MMP26: variants seen among roughly 807,000 people sequenced by gnomAD.
MMP26 encodes the protein matrix metallopeptidase 26, also known as matrix metalloproteinase-26.
MMP26 carries 33 observed loss-of-function variants against 31.0 expected under a neutral mutation model. That is an observed-to-expected ratio of 1.06 (90% CI 0.81 to 1.42). The LOEUF (loss-of-function observed/expected upper bound fraction) is 1.42, where lower values mean the gene tolerates loss of function less well. MMP26 is among the 40% of genes most tolerant of loss of function. The pLI, the probability that MMP26 is intolerant of heterozygous loss-of-function variation, is 0.00. For synonymous variants in MMP26, 122 were observed against 114.9 expected (o/e 1.06, Z -0.40); for missense variants, 347 against 316.1 (o/e 1.10, Z -0.74).
chr11:4,771,710 C>T (rs1848724070), intron 2 of MMP26, among the ~76,000 whole-genome samples: 1 of 152,112 alleles, frequency 6.6e-6, no homozygotes, highest in South Asian at 2.1e-4. Flanking sequence ...AGCAAGGATA[C>T]AAGTTACTGT....
At chr11:4,782,303 A>T (rs1251332312) in intron 2 of MMP26, among the ~76,000 whole-genome samples, 1 of 152,180 alleles carries the variant, frequency 6.6e-6, no homozygotes, top group Admixed American at 6.5e-5. Context: ...GAGATGAGGA[A>T]CTTGTTGGGA....
chr11:4,816,732 C>T (rs1389456832), intron 2 of MMP26, among the ~76,000 whole-genome samples: 2 of 108,784 alleles, frequency 1.8e-5, no homozygotes, highest in Admixed American at 1.3e-4. Flanking sequence ...GAAATAGAGT[C>T]TCGCTCTATT....
At chr11:4,831,661 A>C (rs1849647728) in intron 2 of MMP26, among the ~76,000 whole-genome samples, 2 of 152,168 alleles carry the variant, frequency 1.3e-5, no homozygotes, top group South Asian at 4.1e-4. Context: ...GATGTGTACC[A>C]AGATTGATAA....
chr11:4,958,703 C>A (rs956728214), intron 2 of MMP26, among the ~76,000 whole-genome samples: 5 of 152,066 alleles, frequency 3.3e-5, no homozygotes, highest in Non-Finnish European at 5.9e-5. Flanking sequence ...TATATGCCTG[C>A]TGTGTTTCTG....
At chr11:4,938,455 GAA>G (rs575523956) in intron 2 of MMP26, among the ~76,000 whole-genome samples, 4,735 of 134,668 alleles carry the variant, frequency 0.035, 101 homozygotes, top group African/African-American at 0.066. Flanking sequence ...AGTTCAGACT[GAA>G]AAAAAAAAAA....
intron 2 of MMP26, chr11:4,881,867 T>C (rs1850467888): frequency 6.4e-7 from 1 of 1,571,756 alleles, no homozygotes; most frequent in South Asian, 1.1e-5. Flanking sequence ...TAATTATTTT[T>C]CTTTCCTCAT....
chr11:4,884,143 A>G (rs1363583473), intron 2 of MMP26, among the ~76,000 whole-genome samples: 2 of 152,104 alleles, frequency 1.3e-5, no homozygotes, highest in African/African-American at 4.8e-5. Context: ...AAGTAATTGC[A>G]TGAGTTTCCT....
intron 2 of MMP26, among the ~76,000 whole-genome samples, chr11:4,802,630 A>T (rs1206833926): frequency 6.6e-6 from 1 of 152,218 alleles, no homozygotes; most frequent in Non-Finnish European, 1.5e-5. Context: ...CAATAAAAAC[A>T]TAATTAAATT....
rs981575317 is a variant in MMP26, at chr11:4,707,696, A to G, written c.-217+2651A>G. ...GAAATATGTTTTTATGATTGCATGA[A>G]TTTAACTTATAATTTGAGGGGGCCA... On this transcript the variant is annotated intron_variant, in intron 1 of 7. Coordinates refer to ENST00000380390, the MANE Select transcript of MMP26 (RefSeq NM_021801.5). Among the ~76,000 whole-genome samples, 6 of 152,334 alleles carry G rather than the reference A, an allele frequency of 3.9e-5. 1 individual carries two copies. The highest frequency in any genetic ancestry group is 6.5e-5 in the Admixed American group (1 of 15,298).
At chr11:4,921,034 G>A (rs1851175591) in intron 2 of MMP26, among the ~76,000 whole-genome samples, 2 of 152,200 alleles carry the variant, frequency 1.3e-5, no homozygotes, top group Admixed American at 6.5e-5. Context: ...AACCACTGGA[G>A]CTCATTTAGA....
At chr11:4,803,569 A>G in intron 2 of MMP26, 1 of 1,614,094 alleles carries the variant, frequency 6.2e-7, no homozygotes. Context: ...AACTCGGGGC[A>G]CATCATGGCC....
intron 2 of MMP26, chr11:4,822,583 AAC>A: frequency 4.9e-6 from 2 of 407,856 alleles, no homozygotes; most frequent in Non-Finnish European, 8.5e-6. Flanking sequence ...GAAGTGAAGA[AAC>A]ATATATAAAC....
intron 1 of MMP26, among the ~76,000 whole-genome samples, chr11:4,727,688 T>G (rs1186432233): frequency 6.6e-6 from 1 of 152,128 alleles, no homozygotes; most frequent in Non-Finnish European, 1.5e-5. Flanking sequence ...CGGGCGCCTG[T>G]AATCCCAGCT....
chr11:4,931,210 G>T (rs73407030), intron 2 of MMP26, among the ~76,000 whole-genome samples: 1 of 152,002 alleles, frequency 6.6e-6, no homozygotes, highest in Non-Finnish European at 1.5e-5. Context: ...AGTGAGACAG[G>T]GTTCTGGAAG....
At chr11:4,852,631 G>T (rs1849991345) in intron 2 of MMP26, among the ~76,000 whole-genome samples, 2 of 152,056 alleles carry the variant, frequency 1.3e-5, no homozygotes, top group South Asian at 2.1e-4. Context: ...GTATAAATTT[G>T]TACACCCATT....
chr11:4,973,432 A>T (rs1846692984), intron 2 of MMP26: 1 of 152,384 alleles, frequency 6.6e-6, no homozygotes, highest in African/African-American at 2.4e-5. Context: ...CATTTTTGAG[A>T]GAAAAAGCAA....
chr11:4,849,058 C>T (rs1849933000), intron 2 of MMP26: 1 of 1,613,992 alleles, frequency 6.2e-7, no homozygotes, highest in Non-Finnish European at 8.5e-7. Context: ...AGGATGGTGC[C>T]ATTTCCCAGT....
intron 2 of MMP26, among the ~76,000 whole-genome samples, chr11:4,901,811 T>C (rs1359485042): frequency 6.6e-6 from 1 of 152,228 alleles, no homozygotes; most frequent in Admixed American, 6.5e-5. Context: ...TTGCATTTCA[T>C]GCTCGTCTAC....
chr11:4,803,665 T>A lies in MMP26; in HGVS notation c.-145+36324T>A, dbSNP rs149953581. 2.1e-4 allele frequency: 332 copies of A among 1,613,892 alleles called. 1 individual carries two copies. In the African/African-American group the frequency reaches 4.1e-3, roughly 20 times the overall value. On this transcript the variant is annotated intron_variant, in intron 2 of 7. Transcript: ENST00000380390. ...ATGGGAGGAACGTGTGCTAAAAGCT[T>A]TGAGGCGGGCTTCACCTGAGGGCAA...
Sources: allele counts gnomAD v4.1 joint callset (sites outside exome capture counted in the v4.1 genomes callset), GRCh38; gene constraint gnomAD v4.1.1; transcripts MANE v1.5; gene names NCBI Gene and HGNC (gene_info 2026-07-23, HGNC 2026-07-21).